VPS13B: variants seen among roughly 807,000 people sequenced by gnomAD.
VPS13B encodes the protein vacuolar protein sorting 13 homolog B, also known as intermembrane lipid transfer protein VPS13B.
A neutral mutation model predicts 426.4 loss-of-function variants in VPS13B; 285 were observed. The observed-to-expected ratio is 0.67, with a 90% CI of 0.61 to 0.74. The LOEUF (loss-of-function observed/expected upper bound fraction) is 0.74, where lower values mean the gene tolerates loss of function less well. VPS13B is among the 30% of genes least tolerant of loss of function. The pLI, the probability that VPS13B is intolerant of heterozygous loss-of-function variation, is 0.00. For synonymous variants in VPS13B, 1,676 were observed against 1,676.4 expected (o/e 1.00, Z 0.01); for missense variants, 4,537 against 4,782.6 (o/e 0.95, Z 1.51).
At chr8:99,562,994 C>T (rs536105974) in intron 31 of VPS13B, among the ~76,000 whole-genome samples, 19 of 152,078 alleles carry the variant, frequency 1.2e-4, no homozygotes, top group Admixed American at 2.0e-4. Context: ...GTCTCAACAA[C>T]AACAACACAA....
At chr8:99,458,326 A>G (rs1201484496) in intron 23 of VPS13B, among the ~76,000 whole-genome samples, 1 of 152,084 alleles carries the variant, frequency 6.6e-6, no homozygotes, top group African/African-American at 2.4e-5. Flanking sequence ...GTTGTTGGAC[A>G]TTTCGTTTGG....
intron 17 of VPS13B, among the ~76,000 whole-genome samples, chr8:99,203,756 A>G (rs1321307106): frequency 6.6e-6 from 1 of 152,202 alleles, no homozygotes; most frequent in Non-Finnish European, 1.5e-5. Context: ...ACTCCCATTC[A>G]CAATTTTTAC....
chr8:99,190,840 T>C (rs1813526974), intron 16 of VPS13B, among the ~76,000 whole-genome samples: 1 of 152,154 alleles, frequency 6.6e-6, no homozygotes, highest in Non-Finnish European at 1.5e-5. Flanking sequence ...CTTCTTTTTT[T>C]TTTAAAAAAT....
intron 30 of VPS13B, among the ~76,000 whole-genome samples, chr8:99,538,487 T>TTTTGGG (rs1176233538): frequency 1.3e-5 from 2 of 152,118 alleles, no homozygotes; most frequent in Non-Finnish European, 2.9e-5. Context: ...TAAAGGAATA[T>TTTTGGG]ATGCTCTGTT....
chr8:99,357,822 T>C (rs1812259579), intron 19 of VPS13B, among the ~76,000 whole-genome samples: 1 of 152,240 alleles, frequency 6.6e-6, no homozygotes, highest in South Asian at 2.1e-4. Flanking sequence ...CACTTTGTTG[T>C]CAATTAAGTA....
chr8:99,776,711 T>C (rs1320263884), intron 40 of VPS13B, 64 bp from the exon 41 acceptor site: 11 of 1,501,420 alleles, frequency 7.3e-6, no homozygotes, highest in East Asian at 6.8e-5. Context: ...TAAAAAGACG[T>C]TTCACTCATA....
At chr8:99,460,534 A>G (rs1440677472) in intron 23 of VPS13B, among the ~76,000 whole-genome samples, 2 of 152,118 alleles carry the variant, frequency 1.3e-5, no homozygotes, top group East Asian at 3.9e-4. Context: ...TAACCCACAT[A>G]TTTGTCATAC....
chr8:99,270,069 G>A lies in VPS13B; in HGVS notation c.2516-4129G>A, dbSNP rs1331872805. On this transcript the variant is annotated intron_variant, in intron 17 of 61. Coordinates refer to ENST00000357162, the MANE Select transcript of VPS13B (RefSeq NM_152564.5). ...AATGTAAAGTTAAAAGTGTCAAACT[G>A]TATTCTTGATTGTAGTTGTCTAAAT... Among the ~76,000 whole-genome samples the A allele has an allele frequency of 2.8e-5, 4 of 141,822 alleles. No homozygotes were observed. The South Asian group carries it at 9.1e-4, about 32-fold the overall frequency. 93.0% of individuals were successfully genotyped at this position (141,822 alleles called of 152,430 possible). A position where few individuals can be genotyped will look rare whatever the true frequency, so the allele number is the denominator to read the frequency against.
intron 24 of VPS13B, among the ~76,000 whole-genome samples, chr8:99,468,901 T>A (rs1819251462): frequency 6.6e-6 from 1 of 152,146 alleles, no homozygotes; most frequent in Non-Finnish European, 1.5e-5. Context: ...TCAGCTTGCA[T>A]TCCATATTTT....
chr8:99,742,413 C>T (rs1002691148), intron 39 of VPS13B, among the ~76,000 whole-genome samples: 2 of 152,156 alleles, frequency 1.3e-5, no homozygotes, highest in Non-Finnish European at 2.9e-5. Context: ...GGAGCTGGTA[C>T]CATTCCTTCT....
At chr8:99,147,644 A>G (rs1351533326) in intron 13 of VPS13B, among the ~76,000 whole-genome samples, 197 bp from the exon 14 acceptor site, 1 of 152,236 alleles carries the variant, frequency 6.6e-6, no homozygotes, top group Non-Finnish European at 1.5e-5. Context: ...AAATTTTTAT[A>G]TAACAAAGAT....
intron 43 of VPS13B, 76 bp downstream of exon 43, chr8:99,784,552 C>A (rs938711384): frequency 6.3e-7 from 1 of 1,580,476 alleles, no homozygotes; most frequent in South Asian, 1.1e-5. Flanking sequence ...TGTGCCTGTC[C>A]AGTTATTTCC....
In VPS13B at chr8:99,820,272, T is replaced by C. The variant is rs1164165430; in HGVS notation, c.8994+150T>C. The C allele has an allele frequency of 8.1e-6, 6 of 738,558 alleles. No individual in the cohort carries two copies. The East Asian group carries it at 1.3e-4, about 17-fold the overall frequency. The allele number at this position is 738,558 out of a possible 1,614,324, so 45.8% of individuals were successfully genotyped here. A position where few individuals can be genotyped will look rare whatever the true frequency, so the allele number is the denominator to read the frequency against. ...AAGAGGTATGGAATGTTCTTTGATA[T>C]TCAAGGACTTTTCTGATGTCTTTTT... On this transcript the variant is annotated intron_variant, in intron 49 of 61. Coordinates refer to ENST00000357162, the MANE Select transcript of VPS13B (RefSeq NM_152564.5).
Position 99,384,276 on chromosome 8 carries a change from A to G in VPS13B, c.2893A>G (p.Ile965Val). 1.2e-6 allele frequency: 2 copies of G among 1,614,026 alleles called. No homozygotes were observed. The highest frequency in any genetic ancestry group is 1.7e-6 in the Non-Finnish European group (2 of 1,179,952). The change falls in exon 20 of 62, where the codon ATC becomes GTC. Residue 965 changes from isoleucine to valine, a missense_variant. Coordinates refer to ENST00000357162, the MANE Select transcript of VPS13B (RefSeq NM_152564.5). ...TGACCCAATCTTATATACGTGGCTC[A>G]TCTATCAGCCTCAGAAACGAACAAG... ...NIDPILYTWL[I>V]YQPQKRTSRH...
At chr8:99,229,663 C>T (rs899298985) in intron 17 of VPS13B, among the ~76,000 whole-genome samples, 4 of 151,942 alleles carry the variant, frequency 2.6e-5, no homozygotes, top group Admixed American at 2.0e-4. Context: ...ACGGGCAAAA[C>T]CTTGGCTTAA....
At position 99,875,918 on chromosome 8, in the gene VPS13B, A is replaced by G; in HGVS notation, c.*252A>G. 1.9e-6 allele frequency: 1 copy of G among 534,604 alleles called. No homozygotes were observed. Among genetic ancestry groups the G allele is most frequent in the South Asian group, 2.1e-5 (1 of 47,346 alleles). The allele number at this position is 534,604 out of a possible 1,614,324, so 33.1% of individuals were successfully genotyped here. A position where few individuals can be genotyped will look rare whatever the true frequency, so the allele number is the denominator to read the frequency against. On this transcript the variant is annotated 3_prime_UTR_variant, in exon 62 of 62. Coordinates refer to ENST00000357162, the MANE Select transcript of VPS13B (RefSeq NM_152564.5). ...CATCTGATATGGACACAAGGCCAAC[A>G]GTTTCCTTATTTACATCCTTACCTC...
chr8:99,636,632 G>GC (rs1338597630), intron 33 of VPS13B, among the ~76,000 whole-genome samples: 1 of 152,030 alleles, frequency 6.6e-6, no homozygotes, highest in African/African-American at 2.4e-5. Flanking sequence ...CTGTGTGGAA[G>GC]CATTGTGCAG....
At chr8:99,185,759 A>G (rs1198844172) in intron 16 of VPS13B, among the ~76,000 whole-genome samples, 1 of 152,208 alleles carries the variant, frequency 6.6e-6, no homozygotes, top group Non-Finnish European at 1.5e-5. Context: ...ATTTCTTTGC[A>G]TCGAGTAGTA....
At chr8:99,580,758 G>A (rs957878169) in intron 33 of VPS13B, among the ~76,000 whole-genome samples, 4 of 151,858 alleles carry the variant, frequency 2.6e-5, no homozygotes, top group African/African-American at 9.7e-5. Context: ...AGGCTGAGGT[G>A]GGAGGATCAC....
Sources: allele counts gnomAD v4.1 joint callset (sites outside exome capture counted in the v4.1 genomes callset), GRCh38; gene constraint gnomAD v4.1.1; transcripts MANE v1.5; gene names NCBI Gene and HGNC (gene_info 2026-07-23, HGNC 2026-07-21).